The following FAM220A variants were observed in gnomAD, a reference collection of about 807,000 sequenced individuals.
FAM220A encodes the protein family with sequence similarity 220 member A.
For synonymous variants in FAM220A, 141 were observed against 130.7 expected (o/e 1.08, Z -0.54); for missense variants, 392 against 321.6 (o/e 1.22, Z -1.68).
At chr7:6,343,397 C>CATTCATAT (rs1781899966) in intron 1 of FAM220A, among the ~76,000 whole-genome samples, 1 of 86,994 alleles carries the variant, frequency 1.1e-5, no homozygotes, top group Non-Finnish European at 2.3e-5. Flanking sequence ...ATAATAATTT[C>CATTCATAT]ATATATATAT....
intron 1 of FAM220A, among the ~76,000 whole-genome samples, chr7:6,347,770 T>C (rs1339750471): frequency 6.6e-6 from 1 of 151,842 alleles, no homozygotes; most frequent in African/African-American, 2.4e-5. Flanking sequence ...AAAACGTCTA[T>C]GCAGGCCAGA....
chr7:6,346,726 T>C (rs1203601168), intron 1 of FAM220A, among the ~76,000 whole-genome samples: 2 of 152,274 alleles, frequency 1.3e-5, no homozygotes, highest in Non-Finnish European at 2.9e-5. Flanking sequence ...TTAGGTTTCA[T>C]GTTAATTACC....
At chr7:6,338,478 T>C (rs1476085689) in intron 1 of FAM220A, among the ~76,000 whole-genome samples, 1 of 151,726 alleles carries the variant, frequency 6.6e-6, no homozygotes, top group Non-Finnish European at 1.5e-5. Context: ...TCAGGAAAAA[T>C]AAAGTGTAGC....
intron 1 of FAM220A, among the ~76,000 whole-genome samples, chr7:6,333,997 C>T (rs1371266298): frequency 6.6e-6 from 1 of 151,486 alleles, no homozygotes; most frequent in Non-Finnish European, 1.5e-5. Flanking sequence ...CAGGCACCCG[C>T]CACCACGCCC....
chr7:6,347,385 G>A (rs957083270), intron 1 of FAM220A, among the ~76,000 whole-genome samples: 3 of 151,936 alleles, frequency 2.0e-5, no homozygotes, highest in Admixed American at 2.0e-4. Context: ...GCGTGGTGGC[G>A]GGCACCTGTA....
At chr7:6,345,002 A>C (rs1457907410) in intron 1 of FAM220A, among the ~76,000 whole-genome samples, 1 of 152,084 alleles carries the variant, frequency 6.6e-6, no homozygotes, top group African/African-American at 2.4e-5. Flanking sequence ...CAGCCTCTCA[A>C]AGTGCTGGGA....
In FAM220A at chr7:6,329,486, G is replaced by T. The variant is rs1291785395; in HGVS notation, c.*889C>A. The T allele has an allele frequency of 6.6e-6, 1 of 152,554 alleles. No homozygotes were observed. The highest frequency in any genetic ancestry group is 1.5e-5 in the Non-Finnish European group (1 of 68,012). 9.5% of individuals were successfully genotyped at this position (152,554 alleles called of 1,614,324 possible). On this transcript the variant is annotated 3_prime_UTR_variant, in exon 2 of 2. Coordinates refer to ENST00000313324, the MANE Select transcript of FAM220A (RefSeq NM_001037163.2). ...TCCCCAAACACTAAAATAGCACATG[G>T]CATAGTAATTCAGCACACAGCATAA... is the stretch of plus-strand genomic sequence containing the variant.
At chr7:6,342,272 C>G (rs1431821093) in intron 1 of FAM220A, among the ~76,000 whole-genome samples, 2 of 151,512 alleles carry the variant, frequency 1.3e-5, no homozygotes, top group Non-Finnish European at 2.9e-5. Flanking sequence ...AGGCTGGGTG[C>G]GGTGGCTCAC....
At chr7:6,345,048 C>T (rs1206473376) in intron 1 of FAM220A, among the ~76,000 whole-genome samples, 2 of 151,974 alleles carry the variant, frequency 1.3e-5, no homozygotes, top group East Asian at 3.9e-4. Flanking sequence ...CCGGCCACTG[C>T]GCCCGGCCAG....
At chr7:6,339,985 A>G (rs1781819507) in intron 1 of FAM220A, among the ~76,000 whole-genome samples, 1 of 151,530 alleles carries the variant, frequency 6.6e-6, no homozygotes, top group African/African-American at 2.4e-5. Context: ...CCTGGGTTCA[A>G]GCACTTCTCC....
intron 1 of FAM220A, among the ~76,000 whole-genome samples, chr7:6,331,437 AC>A (rs1196996926): frequency 6.6e-6 from 1 of 152,198 alleles, no homozygotes; most frequent in Admixed American, 6.6e-5. Flanking sequence ...TGCTGGGATT[AC>A]AGGTGTGAGC....
chr7:6,340,351 C>A (rs939694441), intron 1 of FAM220A, among the ~76,000 whole-genome samples: 26 of 152,152 alleles, frequency 1.7e-4, no homozygotes, highest in African/African-American at 6.0e-4. Context: ...GGACAAAACG[C>A]TGCTGAGAGG....
Position 6,348,870 on chromosome 7 carries a change from CGGCG to C in FAM220A, c.-383_-380del. ...GGAGCGAAGGAGGCGGCGGCTAGAC[CGGCG>C]GGCGGGCGGGCCGCAGTGGAGCGGA... On this transcript the variant is annotated 5_prime_UTR_variant, in exon 1 of 2. Transcript: ENST00000313324. 3 of 387,846 alleles carry C rather than the reference CGGCG, an allele frequency of 7.7e-6. No individual in the cohort carries two copies. Among genetic ancestry groups the C allele is most frequent in the East Asian group, 3.7e-5 (1 of 27,170 alleles). 24.0% of individuals were successfully genotyped at this position (387,846 alleles called of 1,614,324 possible).
chr7:6,343,403 T>C (rs1171521347), intron 1 of FAM220A, among the ~76,000 whole-genome samples: 1 of 9,568 alleles, frequency 1.0e-4, no homozygotes, highest in Non-Finnish European at 2.1e-4. Flanking sequence ...ATTTCATATA[T>C]ATATATATAT....
intron 1 of FAM220A, among the ~76,000 whole-genome samples, chr7:6,345,901 T>G (rs540691272): frequency 1.5e-3 from 235 of 152,142 alleles, no homozygotes; most frequent in Non-Finnish European, 1.4e-3. Flanking sequence ...ACCATGTAGC[T>G]GGGATTACAG....
intron 1 of FAM220A, among the ~76,000 whole-genome samples, chr7:6,345,202 C>T (rs1229265871): frequency 1.3e-5 from 2 of 152,030 alleles, no homozygotes; most frequent in Non-Finnish European, 2.9e-5. Context: ...ACTGCATCTT[C>T]GGCCTCCTTG....
intron 1 of FAM220A, among the ~76,000 whole-genome samples, chr7:6,342,261 T>C (rs902455442): frequency 6.6e-6 from 1 of 151,762 alleles, no homozygotes; most frequent in African/African-American, 2.4e-5. Flanking sequence ...AAACAGTGTC[T>C]AGGCTGGGTG....
intron 1 of FAM220A, among the ~76,000 whole-genome samples, chr7:6,347,111 G>C (rs946630266): frequency 2.0e-5 from 3 of 152,172 alleles, no homozygotes; most frequent in Non-Finnish European, 2.9e-5. Context: ...AGGATCACTT[G>C]AGGCCAGAAG....
Position 6,330,988 on chromosome 7 carries a change from G to A in FAM220A, c.167C>T (p.Ser56Leu). Residue 56 changes from serine (S) to leucine (L), a missense_variant, in exon 2 of 2, where the codon TCA (serine) becomes TTA (leucine). By Grantham distance (145) the Ser-to-Leu change is moderately radical (BLOSUM62 -2). Transcript: ENST00000313324. ...WMNKPVVDGN[S>L]QSEALSLEMR... ...TTCCAGTGATAATGCCTCACTTTGT[G>A]AATTTCCATCAACCACAGGCTTATT... 6.2e-7 allele frequency: 1 copy of A among 1,614,248 alleles called. No individual in the cohort carries two copies. The highest frequency in any genetic ancestry group is 8.5e-7 in the Non-Finnish European group (1 of 1,180,052).
Sources: gnomAD v4.1 joint callset for allele counts (sites outside exome capture counted in the v4.1 genomes callset) on GRCh38, gnomAD v4.1.1 for gene constraint, MANE v1.5 for transcripts, NCBI Gene and HGNC (gene_info 2026-07-23, HGNC 2026-07-21) for gene names.